The following CNTN4 variants were observed in gnomAD, a reference collection of about 807,000 sequenced individuals.
The protein encoded by CNTN4 is contactin 4.
In CNTN4, 77 loss-of-function variants were observed where a neutral mutation model predicts 122.5. The observed-to-expected ratio is 0.63, with a 90% CI of 0.52 to 0.76. The LOEUF (loss-of-function observed/expected upper bound fraction) is 0.76. CNTN4 is among the 30% of genes least tolerant of loss of function. The pLI, the probability that CNTN4 is intolerant of heterozygous loss-of-function variation, is 0.00. For synonymous variants in CNTN4, 512 were observed against 447.0 expected (o/e 1.15, Z -1.83); for missense variants, 1,256 against 1,259.1 (o/e 1.00, Z 0.04).
chr3:2,602,830 A>G (rs1441078258), intron 4 of CNTN4, among the ~76,000 whole-genome samples: 1 of 152,210 alleles, frequency 6.6e-6, no homozygotes, highest in Non-Finnish European at 1.5e-5. Context: ...CTTAGCAAGT[A>G]CAACCTTTGC....
At chr3:2,914,923 C>T (rs2094337966) in intron 12 of CNTN4, among the ~76,000 whole-genome samples, 1 of 152,160 alleles carries the variant, frequency 6.6e-6, no homozygotes, top group Non-Finnish European at 1.5e-5. Context: ...AAGGATTATA[C>T]ACAATGTCAA....
rs765225810 is a variant in CNTN4 at position 2,959,522 on chromosome 3, A to AC, written c.1359-28820dup. 3.9e-5 allele frequency among the ~76,000 whole-genome samples: 6 copies of AC among 152,252 alleles called. No homozygotes were observed. The East Asian group carries it at 1.2e-3, about 29-fold the overall frequency. ...GTGAAAAAAAATCATTGAGGAGCTT[A>AC]CCCTTGGCTTTAGAAATAGTATATA... On this transcript the variant is annotated intron_variant, in intron 13 of 24. Transcript: ENST00000418658.
chr3:2,573,690 G>A (rs1487037528), intron 4 of CNTN4, among the ~76,000 whole-genome samples: 2 of 152,122 alleles, frequency 1.3e-5, no homozygotes, highest in Non-Finnish European at 2.9e-5. Context: ...TCTCACCTAA[G>A]GTGTGTGTGT....
chr3:2,118,614 T>C (rs2033529238), intron 2 of CNTN4, among the ~76,000 whole-genome samples: 1 of 152,226 alleles, frequency 6.6e-6, no homozygotes, highest in Non-Finnish European at 1.5e-5. Flanking sequence ...TATTCCAAAT[T>C]CACTGTTTAC....
intron 2 of CNTN4, among the ~76,000 whole-genome samples, chr3:2,218,498 G>A (rs1206406446): frequency 2.0e-5 from 3 of 152,082 alleles, no homozygotes; most frequent in African/African-American, 7.2e-5. Context: ...GTCACCACAT[G>A]CCATCCAACC....
At chr3:3,048,080 C>T (rs1251097576) in intron 23 of CNTN4, among the ~76,000 whole-genome samples, 5 of 152,110 alleles carry the variant, frequency 3.3e-5, no homozygotes, top group Non-Finnish European at 7.3e-5. Context: ...AGACACCCTA[C>T]ACCTCCTCAA....
At chr3:2,118,816 CATG>C (rs1389246324) in intron 2 of CNTN4, among the ~76,000 whole-genome samples, 3 of 152,190 alleles carry the variant, frequency 2.0e-5, no homozygotes, top group African/African-American at 7.2e-5. Context: ...TCACTCAGAA[CATG>C]ATGTTTCATT....
At chr3:2,983,855 A>G (rs971272747) in intron 13 of CNTN4, among the ~76,000 whole-genome samples, 11 of 152,220 alleles carry the variant, frequency 7.2e-5, no homozygotes, top group African/African-American at 2.7e-4. Flanking sequence ...CATTTGGATA[A>G]TAGTAAGAAT....
intron 2 of CNTN4, among the ~76,000 whole-genome samples, chr3:2,291,518 A>G (rs2042134373): frequency 6.6e-6 from 1 of 152,158 alleles, no homozygotes; most frequent in Non-Finnish European, 1.5e-5. Context: ...TAATTATGAT[A>G]TTATGATTGA....
At chr3:2,369,158 C>G (rs62244053) in intron 3 of CNTN4, among the ~76,000 whole-genome samples, 12 of 152,012 alleles carry the variant, frequency 7.9e-5, no homozygotes, top group Admixed American at 1.3e-4. Context: ...CTCCTGACCT[C>G]GTGATCTGCT....
chr3:2,924,418 A>G (rs1236050752), intron 12 of CNTN4, among the ~76,000 whole-genome samples: 1 of 152,118 alleles, frequency 6.6e-6, no homozygotes, highest in Non-Finnish European at 1.5e-5. Flanking sequence ...ATTAAATTCC[A>G]CCAGGTCAAA....
In CNTN4 at chr3:2,617,419, C is replaced by CTTTTTTTTTTTTTTTTTTTTTTT. The variant is rs71058631; in HGVS notation, c.55+45880_55+45881insTTTTTTTTTTTTTTTTTTTTTTT. On this transcript the variant is annotated intron_variant, in intron 4 of 24. Transcript: ENST00000418658. ...ACATCACTGATCTTTAGAGAAATGC[C>CTTTTTTTTTTTTTTTTTTTTTTT]TTTTTTTTTTTTTTTTTTTGAGACA... Among the ~76,000 whole-genome samples the CTTTTTTTTTTTTTTTTTTTTTTT allele has an allele frequency of 6.5e-5, 7 of 108,518 alleles. 2 individuals are homozygous for CTTTTTTTTTTTTTTTTTTTTTTT. Among genetic ancestry groups the CTTTTTTTTTTTTTTTTTTTTTTT allele is most frequent in the African/African-American group, 2.5e-4 (7 of 27,578 alleles). 71.2% of individuals were successfully genotyped at this position (108,518 alleles called of 152,430 possible).
chr3:2,939,296 G>T (rs2094592492), intron 13 of CNTN4, among the ~76,000 whole-genome samples: 1 of 152,052 alleles, frequency 6.6e-6, no homozygotes, highest in Admixed American at 6.6e-5. Flanking sequence ...ACATATAGTA[G>T]AATTATAGGT....
intron 2 of CNTN4, among the ~76,000 whole-genome samples, chr3:2,136,019 T>A (rs976951679): frequency 2.0e-5 from 3 of 152,322 alleles, no homozygotes; most frequent in African/African-American, 2.4e-5. Context: ...GATATAGGCA[T>A]AGCCTCTCAG....
chr3:2,844,773 G>A (rs2093426565), intron 7 of CNTN4, among the ~76,000 whole-genome samples: 1 of 152,216 alleles, frequency 6.6e-6, no homozygotes, highest in South Asian at 2.1e-4. Flanking sequence ...GGACAATAAA[G>A]CAGAATATGG....
At chr3:2,452,779 C>T (rs1365965260) in intron 3 of CNTN4, among the ~76,000 whole-genome samples, 2 of 151,848 alleles carry the variant, frequency 1.3e-5, no homozygotes, top group Admixed American at 1.3e-4. Context: ...TTTCCTAATC[C>T]TCGTATGAAG....
intron 4 of CNTN4, among the ~76,000 whole-genome samples, chr3:2,692,498 C>A (rs1433130841): frequency 3.9e-5 from 6 of 152,036 alleles, no homozygotes; most frequent in Admixed American, 2.6e-4. Flanking sequence ...TCTATTTTTC[C>A]TTTTGCATCT....
intron 10 of CNTN4, among the ~76,000 whole-genome samples, chr3:2,898,784 T>G (rs901604089): frequency 6.6e-6 from 1 of 152,216 alleles, no homozygotes; most frequent in Non-Finnish European, 1.5e-5. Flanking sequence ...CTCACATACT[T>G]CTGTGGCTTT....
intron 2 of CNTN4, among the ~76,000 whole-genome samples, chr3:2,240,327 A>G (rs2039881894): frequency 1.3e-5 from 2 of 152,126 alleles, no homozygotes; most frequent in South Asian, 4.1e-4. Context: ...AAGTGGGATA[A>G]TAAGGGGAAA....
Sources: gnomAD v4.1 joint callset for allele counts (sites outside exome capture counted in the v4.1 genomes callset) on GRCh38, gnomAD v4.1.1 for gene constraint, MANE v1.5 for transcripts, NCBI Gene and HGNC (gene_info 2026-07-23, HGNC 2026-07-21) for gene names.